Variants in VSNL1 observed in about 807,000 individuals in gnomAD.
The protein encoded by VSNL1 is visinin like 1, also known as visinin-like protein 1.
In VSNL1, 6 loss-of-function variants were observed where a neutral mutation model predicts 20.4. The ratio of observed to expected loss-of-function variants is 0.29; its 90% CI spans 0.16 to 0.58. The LOEUF (loss-of-function observed/expected upper bound fraction) is 0.58, where lower values mean the gene tolerates loss of function less well. VSNL1 is among the 20% of genes least tolerant of loss of function. The pLI is 0.90. For synonymous variants in VSNL1, 93 were observed against 86.4 expected, an observed-to-expected ratio of 1.08 and a Z score of -0.42; for missense variants, 100 against 234.5, an observed-to-expected ratio of 0.43 and a Z score of 3.75.
At chr2:17,611,559 G>C (rs546302516) in intron 2 of VSNL1, among the ~76,000 whole-genome samples, 42 of 152,314 alleles carry the variant, frequency 2.8e-4, no homozygotes, top group Admixed American at 2.7e-3. Context: ...ATCCAGGAAG[G>C]GGGCCTTGAA....
chr2:17,604,397 A>C (rs1572359839), intron 2 of VSNL1, among the ~76,000 whole-genome samples: 1 of 152,304 alleles, frequency 6.6e-6, no homozygotes, highest in East Asian at 1.9e-4. Flanking sequence ...ACCCCAGCCC[A>C]CCAGCCTAGT....
At chr2:17,548,906 C>A (rs1663461230) in intron 1 of VSNL1, among the ~76,000 whole-genome samples, 1 of 152,184 alleles carries the variant, frequency 6.6e-6, no homozygotes, top group African/African-American at 2.4e-5. Flanking sequence ...TAAGACATGT[C>A]TTCTGCTAAA....
intron 2 of VSNL1, among the ~76,000 whole-genome samples, chr2:17,613,205 T>G (rs1863560): frequency 0.71 from 107,510 of 152,056 alleles, 39,609 homozygotes; most frequent in Middle Eastern, 0.89. Context: ...AACAAGAAGG[T>G]CTATGGCTGT....
rs963955191 is a variant in VSNL1 at position 17,655,051 on chromosome 2, C to G, written c.379-146C>G. On this transcript the variant is annotated intron_variant, in intron 3 of 3. Coordinates refer to ENST00000295156, the MANE Select transcript of VSNL1 (RefSeq NM_003385.5). This position sits in a 1 kb window ranked among gnomAD's most constrained non-coding sequence, Gnocchi z 5.2. ...TGGTATGGGTTGTCACAGAAACTTG[C>G]AGCACAAGGAGTGAAACTCCTCTGG... The G allele has an allele frequency of 2.1e-5, 15 of 718,348 alleles. No homozygotes were observed. Among genetic ancestry groups the G allele is most frequent in the Non-Finnish European group, 3.5e-5 (15 of 432,242 alleles). The allele number at this position is 718,348 out of a possible 1,614,324, so 44.5% of individuals were successfully genotyped here.
chr2:17,615,287 A>T (rs563303747), intron 2 of VSNL1, among the ~76,000 whole-genome samples: 1 of 152,000 alleles, frequency 6.6e-6, no homozygotes, highest in East Asian at 1.9e-4. Context: ...TTATTTTTTT[A>T]TTTTTTTGTC....
At chr2:17,630,800 A>G (rs1426238342) in intron 2 of VSNL1, among the ~76,000 whole-genome samples, 2 of 152,066 alleles carry the variant, frequency 1.3e-5, no homozygotes, top group African/African-American at 4.8e-5. Flanking sequence ...TATTTTTTTC[A>G]AGACAGAGCC....
chr2:17,604,308 G>A (rs897988596), intron 2 of VSNL1, among the ~76,000 whole-genome samples: 29 of 152,190 alleles, frequency 1.9e-4, no homozygotes, highest in African/African-American at 7.0e-4. Flanking sequence ...GGAATGCCAG[G>A]CCCCTCCCTG....
Position 17,617,813 on chromosome 2 carries a change from T to C in VSNL1, c.162+25577T>C, listed in dbSNP as rs1215305078. ...CATGCTGGAATTGAACAGGGCTGAATTGTTGCCCCCATCATGTGGCACTTT... is the reference window on the plus strand; with the variant it reads ...CATGCTGGAATTGAACAGGGCTGAACTGTTGCCCCCATCATGTGGCACTTT... On this transcript the variant is annotated intron_variant, in intron 2 of 3. Transcript: ENST00000295156. Among the ~76,000 whole-genome samples, 5 of 152,156 alleles carry C rather than the reference T, an allele frequency of 3.3e-5. No homozygotes were observed. The East Asian group carries it at 9.7e-4, about 29-fold the overall frequency.
At chr2:17,542,043 T>C (rs1663295297) in intron 1 of VSNL1, among the ~76,000 whole-genome samples, 1 of 152,254 alleles carries the variant, frequency 6.6e-6, no homozygotes, top group Admixed American at 6.5e-5. Flanking sequence ...ACTATTTGTG[T>C]ATCACTTTCC....
At chr2:17,604,467 T>G (rs1038185372) in intron 2 of VSNL1, among the ~76,000 whole-genome samples, 3 of 152,244 alleles carry the variant, frequency 2.0e-5, no homozygotes, top group African/African-American at 7.2e-5. Context: ...CTGCCTGCCC[T>G]GAGCCCTCCA....
intron 3 of VSNL1, among the ~76,000 whole-genome samples, chr2:17,650,351 C>T (rs2710663): frequency 0.78 from 119,039 of 152,222 alleles, 48,277 homozygotes; most frequent in Middle Eastern, 0.92. Context: ...GTCCCAACAT[C>T]TGTCCCTGCC....
At chr2:17,609,842 C>T (rs1424554227) in intron 2 of VSNL1, among the ~76,000 whole-genome samples, 2 of 152,152 alleles carry the variant, frequency 1.3e-5, no homozygotes. Context: ...ACAAGAGAAA[C>T]TGTTATCCAT....
At chr2:17,597,113 G>A (rs148018361) in intron 2 of VSNL1, among the ~76,000 whole-genome samples, 55 of 152,280 alleles carry the variant, frequency 3.6e-4, no homozygotes, top group African/African-American at 1.1e-3. Context: ...GATGTCTACC[G>A]TGTATTCTTG....
intron 2 of VSNL1, among the ~76,000 whole-genome samples, chr2:17,639,337 G>A (rs1434711038): frequency 6.6e-6 from 1 of 152,180 alleles, no homozygotes; most frequent in East Asian, 1.9e-4. Context: ...TCCTCTCACT[G>A]GTTGTCTCAG....
intron 2 of VSNL1, among the ~76,000 whole-genome samples, chr2:17,631,534 G>T (rs1665629048): frequency 6.6e-6 from 1 of 152,224 alleles, no homozygotes; most frequent in Non-Finnish European, 1.5e-5. Context: ...TGGGTCACAA[G>T]TAAGATTTGT....
chr2:17,625,875 G>A (rs1184630778), intron 2 of VSNL1, among the ~76,000 whole-genome samples: 2 of 134,224 alleles, frequency 1.5e-5, no homozygotes, highest in South Asian at 2.4e-4. Context: ...AGATCTCAGC[G>A]CACTACAACC....
At chr2:17,630,405 G>A (rs1665604443) in intron 2 of VSNL1, among the ~76,000 whole-genome samples, 8 of 152,260 alleles carry the variant, frequency 5.3e-5, no homozygotes, top group Admixed American at 5.2e-4. Flanking sequence ...TCAGTTGAGA[G>A]ACATAAATAA....
intron 1 of VSNL1, among the ~76,000 whole-genome samples, chr2:17,565,884 G>T (rs1313020018): frequency 6.6e-6 from 1 of 152,178 alleles, no homozygotes; most frequent in African/African-American, 2.4e-5. Flanking sequence ...TAGTGAGTCA[G>T]TTCTCATGAG....
Position 17,574,185 on chromosome 2 carries a change from C to T in VSNL1, c.-5-17885C>T, listed in dbSNP as rs1664148063. ...CCCGTAGGTTCTGGGTAAATCCTAT[C>T]CTATGTCTTTCTTTGATCCCCCCCC... On this transcript the variant is annotated intron_variant, in intron 1 of 3. Transcript: ENST00000295156. Among the ~76,000 whole-genome samples, 6 of 152,060 alleles carry T rather than the reference C, an allele frequency of 3.9e-5. No homozygotes were observed. In the South Asian group the frequency reaches 1.2e-3, roughly 32 times the overall value.
Sources: gnomAD v4.1 joint callset for allele counts (sites outside exome capture counted in the v4.1 genomes callset) on GRCh38, gnomAD v4.1.1 for gene constraint, Gnocchi (gnomAD v3.1) non-coding constraint, MANE v1.5 for transcripts, NCBI Gene and HGNC (gene_info 2026-07-23, HGNC 2026-07-21) for gene names.